Variants in NAA15 observed in about 807,000 individuals in gnomAD.
NAA15 encodes the protein N-terminal acetyltransferase.
NAA15 carries 34 observed loss-of-function variants against 114.0 expected under a neutral mutation model. The ratio of observed to expected loss-of-function variants is 0.30; its 90% CI spans 0.23 to 0.40. The LOEUF is 0.40. Among genes scored for constraint, NAA15 ranks in the 10% least tolerant of loss-of-function variants. The pLI is 1.00. For synonymous variants in NAA15, 340 were observed against 338.0 expected (o/e 1.01, Z -0.06); for missense variants, 658 against 1,004.5 (o/e 0.66, Z 4.66).
At position 139,301,763 on chromosome 4, in the gene NAA15, G is replaced by C. The variant is rs1380586977; in HGVS notation, c.-15G>C. The C allele has an allele frequency of 1.9e-6, 3 of 1,565,866 alleles. No individual in the cohort carries two copies. The highest frequency in any genetic ancestry group is 2.6e-6 in the Non-Finnish European group (3 of 1,154,600). Reference sequence around the variant, plus strand: ...GAGCCGGGTGGTGGCGGGAGCAGCGGGAGCAGCCGGAACGATGCCGGCCGT... The same window carrying C: ...GAGCCGGGTGGTGGCGGGAGCAGCGCGAGCAGCCGGAACGATGCCGGCCGT... On this transcript the variant is annotated 5_prime_UTR_variant, in exon 1 of 20. Coordinates refer to ENST00000296543, the MANE Select transcript of NAA15 (RefSeq NM_057175.5).
chr4:139,389,218 AAAT>A lies in NAA15; in HGVS notation c.*1137_*1139del, dbSNP rs1313821894. 1 of 110,224 alleles carries A rather than the reference AAAT, an allele frequency of 9.1e-6. No homozygotes were observed. Among genetic ancestry groups the A allele is most frequent in the South Asian group, 2.5e-4 (1 of 3,958 alleles). The allele number at this position is 110,224 out of a possible 1,614,324, so 6.8% of individuals were successfully genotyped here. ...GATTTTTTTTTTTTTTTTTTTTTTC[AAAT>A]AACAGACCAGCTTCTTTTTCTTGCA... On this transcript the variant is annotated 3_prime_UTR_variant, in exon 20 of 20. Transcript: ENST00000296543.
At position 139,326,253 on chromosome 4, in the gene NAA15, A is replaced by G. The variant is rs998553726; in HGVS notation, c.55-7921A>G. ...GTTCAGATTCTTTTTCCATCACTTA[A>G]TAGCAGTGTGACCTTGGCCAAATTA... On this transcript the variant is annotated intron_variant, in intron 1 of 19. Transcript: ENST00000296543. Among the ~76,000 whole-genome samples, 21 of 152,284 alleles carry G rather than the reference A, an allele frequency of 1.4e-4. 1 individual carries two copies. Among genetic ancestry groups the G allele is most frequent in the Admixed American group, 1.4e-3 (21 of 15,294 alleles).
At chr4:139,367,052 A>T (rs993467988) in intron 14 of NAA15, among the ~76,000 whole-genome samples, 6 of 152,166 alleles carry the variant, frequency 3.9e-5, no homozygotes, top group African/African-American at 1.2e-4. Context: ...ATAGTTTTTT[A>T]TTTTTATTTT....
rs947402616 is a variant in NAA15 at position 139,341,186 on chromosome 4, T to C, written c.402+117T>C. ...TTGAAAATAATTTAATTGAATTTTTTTTTCCTCCTACCACAGTGGTTATGT... is the reference window on the plus strand; with the variant it reads ...TTGAAAATAATTTAATTGAATTTTTCTTTCCTCCTACCACAGTGGTTATGT... On this transcript the variant is annotated intron_variant, in intron 4 of 19. Transcript: ENST00000296543. 6 of 726,758 alleles carry C rather than the reference T, an allele frequency of 8.3e-6. No homozygotes were observed. The East Asian group carries it at 1.3e-4, about 16-fold the overall frequency. The allele number at this position is 726,758 out of a possible 1,614,324, so 45.0% of individuals were successfully genotyped here.
At chr4:139,336,207 T>C (rs1027737285) in intron 2 of NAA15, among the ~76,000 whole-genome samples, 1 of 152,222 alleles carries the variant, frequency 6.6e-6, no homozygotes, top group African/African-American at 2.4e-5. Context: ...AGGCAAATAA[T>C]GTTTTCACTT....
intron 19 of NAA15, chr4:139,386,468 T>C: frequency 3.3e-6 from 1 of 299,396 alleles, no homozygotes. Flanking sequence ...ATCGTCATTT[T>C]TGGATTTCAT....
At chr4:139,331,660 T>G (rs1747005218) in intron 1 of NAA15, among the ~76,000 whole-genome samples, 1 of 150,344 alleles carries the variant, frequency 6.7e-6, no homozygotes, top group African/African-American at 2.4e-5. Context: ...AGAAAGAGTT[T>G]CACCACGTTG....
At chr4:139,308,155 G>GT (rs1332697215) in intron 1 of NAA15, among the ~76,000 whole-genome samples, 1 of 151,968 alleles carries the variant, frequency 6.6e-6, no homozygotes. Context: ...TAGAGACGGG[G>GT]TTTCACCGTG....
intron 15 of NAA15, among the ~76,000 whole-genome samples, chr4:139,372,511 T>C (rs1052778548): frequency 2.6e-5 from 4 of 152,188 alleles, no homozygotes; most frequent in African/African-American, 7.2e-5. Context: ...TCAGTACATA[T>C]TATTCTTACC....
At chr4:139,338,959 T>C (rs1747288946) in intron 3 of NAA15, among the ~76,000 whole-genome samples, 1 of 151,892 alleles carries the variant, frequency 6.6e-6, no homozygotes, top group Non-Finnish European at 1.5e-5. Flanking sequence ...TACAGGTGCA[T>C]GCCACCATAC....
intron 17 of NAA15, among the ~76,000 whole-genome samples, chr4:139,379,829 C>G (rs994320371): frequency 2.0e-5 from 3 of 151,980 alleles, no homozygotes; most frequent in African/African-American, 7.2e-5. Flanking sequence ...GGATCACTTG[C>G]GGTCAGGAGT....
chr4:139,339,369 T>C (rs1181408315), intron 3 of NAA15, among the ~76,000 whole-genome samples: 1 of 152,140 alleles, frequency 6.6e-6, no homozygotes, highest in African/African-American at 2.4e-5. Flanking sequence ...TGGTGGCATG[T>C]GCCTGTGGTC....
At chr4:139,360,986 ACCCT>A (rs1748116221) in intron 13 of NAA15, among the ~76,000 whole-genome samples, 1 of 152,070 alleles carries the variant, frequency 6.6e-6, no homozygotes, top group South Asian at 2.1e-4. Context: ...GATGCCATAT[ACCCT>A]TGGTAAGATA....
intron 1 of NAA15, among the ~76,000 whole-genome samples, chr4:139,308,709 A>C (rs1358624308): frequency 6.6e-6 from 1 of 151,968 alleles, no homozygotes; most frequent in Non-Finnish European, 1.5e-5. Flanking sequence ...TCCACCTCCC[A>C]GGTTCAAGTG....
At chr4:139,386,517 T>G in intron 19 of NAA15, 1 of 228,126 alleles carries the variant, frequency 4.4e-6, no homozygotes, top group South Asian at 7.0e-5. Flanking sequence ...GTGGTCTCAG[T>G]GGAGATTCTA....
chr4:139,305,781 G>A (rs1387899622), intron 1 of NAA15, among the ~76,000 whole-genome samples: 5 of 152,140 alleles, frequency 3.3e-5, no homozygotes, highest in African/African-American at 1.2e-4. Context: ...TGATCCACCC[G>A]CCTTGGCCTC....
At chr4:139,354,220 C>A in intron 10 of NAA15, 122 bp downstream of exon 10, 1 of 685,946 alleles carries the variant, frequency 1.5e-6, no homozygotes, top group South Asian at 1.9e-5. Flanking sequence ...ATTTTTTTCT[C>A]TTTGAGAGGG....
intron 16 of NAA15, among the ~76,000 whole-genome samples, chr4:139,377,308 A>C (rs1242773745): frequency 6.6e-6 from 1 of 152,148 alleles, no homozygotes. Flanking sequence ...AGGCCGAGGC[A>C]GGTGGATCAC....
chr4:139,338,505 T>C (rs1187661269), intron 3 of NAA15, among the ~76,000 whole-genome samples: 1 of 152,160 alleles, frequency 6.6e-6, no homozygotes, highest in Non-Finnish European at 1.5e-5. Flanking sequence ...TGGAGTGCAA[T>C]GGCACGATCT....
Sources: allele counts gnomAD v4.1 joint callset (sites outside exome capture counted in the v4.1 genomes callset), GRCh38; gene constraint gnomAD v4.1.1; transcripts MANE v1.5; gene names NCBI Gene and HGNC (gene_info 2026-07-23, HGNC 2026-07-21).